Variants in GPR180 observed in about 807,000 individuals in gnomAD.
GPR180 encodes integral membrane protein GPR180.
Under a neutral mutation model 52.6 loss-of-function variants are expected in GPR180, and 53 were observed. The ratio of observed to expected loss-of-function variants is 1.01; its 90% CI spans 0.81 to 1.27. The LOEUF is 1.27. Ranked by LOEUF, GPR180 falls within the 50% of genes most tolerant of loss-of-function variation. The pLI, the probability that GPR180 is intolerant of heterozygous loss-of-function variation, is 0.00. For missense variants in GPR180, 533 were observed against 527.0 expected (o/e 1.01, Z -0.11); for synonymous variants, 200 against 193.1 (o/e 1.04, Z -0.30).
In GPR180 at chr13:94,633,392, T is replaced by C. The variant is rs1007952483; in HGVS notation, c.*6221T>C. On this transcript the variant is annotated 3_prime_UTR_variant, in exon 9 of 9. Coordinates refer to ENST00000376958, the MANE Select transcript of GPR180 (RefSeq NM_180989.6). ...TACTCTCTGTACGGATAATTTTCGG[T>C]TAAGTGTTTTTGTTTTCCATGGATT... 2 of 152,172 alleles carry C rather than the reference T, an allele frequency of 1.3e-5. No individual in the cohort carries two copies. The highest frequency in any genetic ancestry group is 6.5e-5 in the Admixed American group (1 of 15,282). 9.4% of individuals were successfully genotyped at this position (152,172 alleles called of 1,614,324 possible). A position where few individuals can be genotyped will look rare whatever the true frequency, so the allele number is the denominator to read the frequency against.
chr13:94,603,008 A>T (rs1889580218), intron 1 of GPR180, among the ~76,000 whole-genome samples: 1 of 152,168 alleles, frequency 6.6e-6, no homozygotes, highest in South Asian at 2.1e-4. Flanking sequence ...TAGAAACGGA[A>T]CTACTTTGGT....
At chr13:94,611,044 T>C (rs960333358) in intron 2 of GPR180, among the ~76,000 whole-genome samples, 5 of 152,208 alleles carry the variant, frequency 3.3e-5, no homozygotes, top group African/African-American at 4.8e-5. Context: ...AGGTAGTATC[T>C]TCATTTTACA....
At position 94,632,405 on chromosome 13, in the gene GPR180, TAC is replaced by T. The variant is rs1412829397; in HGVS notation, c.*5236_*5237del. Reference sequence around the variant, plus strand: ...ATGAAACACAAATTATAGCATAACATACAGACTTTTGCACATTCAGCAATTTA... The same window carrying T: ...ATGAAACACAAATTATAGCATAACATAGACTTTTGCACATTCAGCAATTTA... On this transcript the variant is annotated 3_prime_UTR_variant, in exon 9 of 9. Coordinates refer to ENST00000376958, the MANE Select transcript of GPR180 (RefSeq NM_180989.6). 1 of 152,210 alleles carries T rather than the reference TAC, an allele frequency of 6.6e-6. No homozygotes were observed. The highest frequency in any genetic ancestry group is 2.4e-5 in the African/African-American group (1 of 41,462). 9.4% of individuals were successfully genotyped at this position (152,210 alleles called of 1,614,324 possible).
intron 5 of GPR180, 42 bp from the exon 6 acceptor site, chr13:94,621,036 A>T: frequency 6.5e-7 from 1 of 1,545,428 alleles, no homozygotes. Flanking sequence ...AATTTTTTAT[A>T]TTGTGAAAAC....
Position 94,605,424 on chromosome 13 carries a change from A to C in GPR180, c.179A>C (p.Asn60Thr). Residue 60 changes from asparagine (N) to threonine (T), a missense_variant, in exon 2 of 9, where the codon AAC becomes ACC. Transcript: ENST00000376958. ...DHALLCVRIN[N>T]IAVAVGKEAK... Reference sequence around the variant, plus strand: ...GCTCTTCTGTGTGTCAGAATCAACAACATAGCAGTAGCTGTTGGAAAAGAA... The same window carrying C: ...GCTCTTCTGTGTGTCAGAATCAACACCATAGCAGTAGCTGTTGGAAAAGAA... The C allele has an allele frequency of 6.2e-7, 1 of 1,614,136 alleles. No individual in the cohort carries two copies. Among genetic ancestry groups the C allele is most frequent in the East Asian group, 2.2e-5 (1 of 44,866 alleles).
chr13:94,607,303 A>G (rs9590043), intron 2 of GPR180, among the ~76,000 whole-genome samples: 27,260 of 152,020 alleles, frequency 0.18, 2,783 homozygotes, highest in Middle Eastern at 0.24. Context: ...TAAATAGCAG[A>G]TTTGGTCATG....
chr13:94,633,037 CTTCTT>C lies in GPR180; in HGVS notation c.*5869_*5873del, dbSNP rs1890019795. 1.3e-5 allele frequency: 2 copies of C among 152,364 alleles called. No individual in the cohort carries two copies. Among genetic ancestry groups the C allele is most frequent in the Admixed American group, 1.3e-4 (2 of 15,296 alleles). The allele number at this position is 152,364 out of a possible 1,614,324, so 9.4% of individuals were successfully genotyped here. A position where few individuals can be genotyped will look rare whatever the true frequency, so the allele number is the denominator to read the frequency against. On this transcript the variant is annotated 3_prime_UTR_variant, in exon 9 of 9. Coordinates refer to ENST00000376958, the MANE Select transcript of GPR180 (RefSeq NM_180989.6). ...CTCTTACACCTTGCTCTATGTATGT[CTTCTT>C]TTGGCTGTTCTGATTTGTATCCTTT...
intron 6 of GPR180, among the ~76,000 whole-genome samples, chr13:94,622,821 C>T (rs1212197374): frequency 3.9e-5 from 6 of 152,146 alleles, no homozygotes; most frequent in African/African-American, 1.4e-4. Context: ...GTGATCCACC[C>T]ACCTTGGCCT....
At chr13:94,617,177 A>T (rs1454706870) in intron 3 of GPR180, among the ~76,000 whole-genome samples, 1 of 152,078 alleles carries the variant, frequency 6.6e-6, no homozygotes, top group Non-Finnish European at 1.5e-5. Context: ...TAGAGTTGTA[A>T]CTTCATGGAG....
At chr13:94,626,974 C>T (rs1407986409) in intron 8 of GPR180, 39 bp from the exon 9 acceptor site, 2 of 1,410,738 alleles carry the variant, frequency 1.4e-6, no homozygotes, top group Admixed American at 2.2e-5. Context: ...TTCTCTATTT[C>T]TGCATGTAGT....
At chr13:94,607,006 C>A (rs1232728339) in intron 2 of GPR180, among the ~76,000 whole-genome samples, 3 of 152,176 alleles carry the variant, frequency 2.0e-5, no homozygotes, top group Non-Finnish European at 4.4e-5. Context: ...TTCCCAATTC[C>A]TCTGGCGTCT....
intron 2 of GPR180, among the ~76,000 whole-genome samples, chr13:94,607,647 C>G (rs1031110464): frequency 1.3e-5 from 2 of 151,538 alleles, no homozygotes; most frequent in African/African-American, 4.9e-5. Flanking sequence ...AGCAGTAGGG[C>G]TCTTCTGGTG....
intron 2 of GPR180, among the ~76,000 whole-genome samples, chr13:94,607,068 C>G (rs1459088305): frequency 6.6e-6 from 1 of 152,158 alleles, no homozygotes; most frequent in Non-Finnish European, 1.5e-5. Flanking sequence ...TCTGATGTTC[C>G]CTGTTTTAAG....
Position 94,630,058 on chromosome 13 carries a change from T to TA in GPR180, c.*2888dup, listed in dbSNP as rs1889974560. 6.6e-6 allele frequency: 1 copy of TA among 152,242 alleles called. No homozygotes were observed. The highest frequency in any genetic ancestry group is 2.4e-5 in the African/African-American group (1 of 41,462). 9.4% of individuals were successfully genotyped at this position (152,242 alleles called of 1,614,324 possible). Reference sequence around the variant, plus strand: ...GTTTTTTGTTTGTTTTGAGAATTGATATGATTGTTAGAAGTAGCCAGATAC... The same window carrying TA: ...GTTTTTTGTTTGTTTTGAGAATTGATAATGATTGTTAGAAGTAGCCAGATAC... On this transcript the variant is annotated 3_prime_UTR_variant, in exon 9 of 9. Coordinates refer to ENST00000376958, the MANE Select transcript of GPR180 (RefSeq NM_180989.6).
At position 94,625,800 on chromosome 13, in the gene GPR180, A is replaced by T. The variant is rs552064890; in HGVS notation, c.1087-166A>T. Among the ~76,000 whole-genome samples, 19 of 152,344 alleles carry T rather than the reference A, an allele frequency of 1.2e-4. No individual in the cohort carries two copies. The South Asian group carries it at 3.1e-3, about 25-fold the overall frequency. ...TCATTTGGTTAGAAACAAAATATTAATGTCACAGCAACAGTAAATTTATTT... is the reference window on the plus strand; with the variant it reads ...TCATTTGGTTAGAAACAAAATATTATTGTCACAGCAACAGTAAATTTATTT... On this transcript the variant is annotated intron_variant, in intron 7 of 8. Coordinates refer to ENST00000376958, the MANE Select transcript of GPR180 (RefSeq NM_180989.6).
At chr13:94,620,844 T>G in intron 5 of GPR180, among the ~76,000 whole-genome samples, 1 of 152,196 alleles carries the variant, frequency 6.6e-6, no homozygotes, top group East Asian at 1.9e-4. Context: ...TATTTTTAAA[T>G]AGTATTGCTG....
At position 94,628,485 on chromosome 13, in the gene GPR180, A is replaced by G. The variant is rs1043220191; in HGVS notation, c.*1314A>G. On this transcript the variant is annotated 3_prime_UTR_variant, in exon 9 of 9. Transcript: ENST00000376958. ...GCAAGCAACAGTGCACTGATCTGGT[A>G]GTTAAATTTTTTAATTAAATAGTTA... is the stretch of plus-strand genomic sequence containing the variant. 2 of 152,090 alleles carry G rather than the reference A, an allele frequency of 1.3e-5. No homozygotes were observed. Among genetic ancestry groups the G allele is most frequent in the Admixed American group, 1.3e-4 (2 of 15,268 alleles). 9.4% of individuals were successfully genotyped at this position (152,090 alleles called of 1,614,324 possible).
At chr13:94,621,570 T>G (rs1889851804) in intron 6 of GPR180, among the ~76,000 whole-genome samples, 1 of 152,210 alleles carries the variant, frequency 6.6e-6, no homozygotes, top group African/African-American at 2.4e-5. Flanking sequence ...TTCTTTCATA[T>G]TTCTCTAGCA....
rs1014972903 is a variant in GPR180 at position 94,628,812 on chromosome 13, C to T, written c.*1641C>T. 1 of 151,876 alleles carries T rather than the reference C, an allele frequency of 6.6e-6. No individual in the cohort carries two copies. The highest frequency in any genetic ancestry group is 6.6e-5 in the Admixed American group (1 of 15,248). The allele number at this position is 151,876 out of a possible 1,614,324, so 9.4% of individuals were successfully genotyped here. On this transcript the variant is annotated 3_prime_UTR_variant, in exon 9 of 9. Coordinates refer to ENST00000376958, the MANE Select transcript of GPR180 (RefSeq NM_180989.6). ...TCTTTTATCATGTCTCGCTAATAACCCCAGCTATTGTCTGTTGTGTTCAGC... is the reference window on the plus strand; with the variant it reads ...TCTTTTATCATGTCTCGCTAATAACTCCAGCTATTGTCTGTTGTGTTCAGC...
Sources: gnomAD v4.1 joint callset for allele counts (sites outside exome capture counted in the v4.1 genomes callset) on GRCh38, gnomAD v4.1.1 for gene constraint, MANE v1.5 for transcripts, NCBI Gene and HGNC (gene_info 2026-07-23, HGNC 2026-07-21) for gene names.